Variants in TBC1D22A observed in about 807,000 individuals in gnomAD.
The protein encoded by TBC1D22A is TBC1 domain family member 22A, also known as putative GTPase activator.
TBC1D22A carries 38 observed loss-of-function variants against 60.2 expected under a neutral mutation model. The observed-to-expected ratio is 0.63, with a 90% CI of 0.49 to 0.83. The LOEUF is 0.83. TBC1D22A is among the 40% of genes least tolerant of loss of function. The probability of loss-of-function intolerance (pLI) is 0.00; values close to 1 mark genes in which losing one functional copy is unlikely to be tolerated. For missense variants in TBC1D22A, 628 were observed against 701.0 expected (o/e 0.90, Z 1.18); for synonymous variants, 302 against 281.7 (o/e 1.07, Z -0.72).
chr22:47,037,290 G>C, intron 11 of TBC1D22A, 92 bp downstream of exon 11: 1 of 1,537,472 alleles, frequency 6.5e-7, no homozygotes, highest in Non-Finnish European at 8.8e-7. Flanking sequence ...TGCTGCATTC[G>C]ATTTTTTCTT....
chr22:46,890,679 C>T (rs1209378685), intron 5 of TBC1D22A, among the ~76,000 whole-genome samples: 1 of 152,184 alleles, frequency 6.6e-6, no homozygotes, highest in Non-Finnish European at 1.5e-5. Flanking sequence ...TCTTCGTGAC[C>T]TCCTTGTGCT....
At chr22:46,949,244 G>C (rs2072747120) in intron 8 of TBC1D22A, among the ~76,000 whole-genome samples, 1 of 152,244 alleles carries the variant, frequency 6.6e-6, no homozygotes, top group African/African-American at 2.4e-5. Flanking sequence ...GAACCACCAT[G>C]AGCATGACAA....
intron 1 of TBC1D22A, among the ~76,000 whole-genome samples, chr22:46,785,539 A>G (rs1391450106): frequency 6.6e-6 from 1 of 152,208 alleles, no homozygotes; most frequent in African/African-American, 2.4e-5. Context: ...TATCACCACA[A>G]TCAATTTTAG....
intron 9 of TBC1D22A, among the ~76,000 whole-genome samples, chr22:46,994,116 T>A (rs951077687): frequency 6.6e-6 from 1 of 152,222 alleles, no homozygotes; most frequent in African/African-American, 2.4e-5. Flanking sequence ...TCAGGTGTCA[T>A]TCTTTTTTTT....
At chr22:46,941,607 C>CAGGGAACATATATACGGAATATATATACA (rs1491548993) in intron 8 of TBC1D22A, among the ~76,000 whole-genome samples, 1 of 140,734 alleles carries the variant, frequency 7.1e-6, no homozygotes, top group Non-Finnish European at 1.5e-5. Context: ...AATATATATA[C>CAGGGAACATATATACGGAATATATATACA]GCGGAATATA....
At chr22:46,833,403 A>G (rs1320048536) in intron 4 of TBC1D22A, among the ~76,000 whole-genome samples, 1 of 152,210 alleles carries the variant, frequency 6.6e-6, no homozygotes, top group East Asian at 1.9e-4. Context: ...GGGCCTTTCA[A>G]GATCGGCAGT....
intron 1 of TBC1D22A, among the ~76,000 whole-genome samples, chr22:46,773,672 G>A (rs550644314): frequency 5.7e-4 from 86 of 152,146 alleles, no homozygotes; most frequent in African/African-American, 2.0e-3. Flanking sequence ...GGGTTTCACC[G>A]TGTTGGCCAG....
chr22:47,005,644 ACACACACACC>A (rs1273927355), intron 10 of TBC1D22A, among the ~76,000 whole-genome samples: 1 of 151,104 alleles, frequency 6.6e-6, no homozygotes, highest in African/African-American at 2.4e-5. Flanking sequence ...CTGTACACAC[ACACACACACC>A]CACACACACA....
At chr22:47,088,862 C>A (rs2064804355) in intron 11 of TBC1D22A, among the ~76,000 whole-genome samples, 1 of 152,202 alleles carries the variant, frequency 6.6e-6, no homozygotes, top group South Asian at 2.1e-4. Context: ...AATGTGAAGG[C>A]CACAGCTCCA....
chr22:46,868,943 G>A (rs1427370954), intron 4 of TBC1D22A, among the ~76,000 whole-genome samples: 6 of 35,530 alleles, frequency 1.7e-4, no homozygotes, highest in Non-Finnish European at 2.8e-4. Context: ...AGGAGTAGGT[G>A]GGGGGTGCCC....
At chr22:46,991,547 T>C (rs1361142791) in intron 9 of TBC1D22A, among the ~76,000 whole-genome samples, 1 of 152,156 alleles carries the variant, frequency 6.6e-6, no homozygotes, top group African/African-American at 2.4e-5. Context: ...GTGTGGACAG[T>C]TGGGGTTCAC....
chr22:46,898,462 A>C (rs1421806261), intron 7 of TBC1D22A, among the ~76,000 whole-genome samples: 1 of 152,262 alleles, frequency 6.6e-6, no homozygotes. Flanking sequence ...GATATTGAGA[A>C]GTGCACAGTT....
chr22:47,079,515 A>G (rs1305269105), intron 11 of TBC1D22A, among the ~76,000 whole-genome samples: 1 of 152,258 alleles, frequency 6.6e-6, no homozygotes, highest in Non-Finnish European at 1.5e-5. Context: ...GGAAGGGGTA[A>G]ATGGAAGTAA....
intron 11 of TBC1D22A, among the ~76,000 whole-genome samples, chr22:47,061,448 C>T (rs1603212121): frequency 1.3e-5 from 2 of 152,108 alleles, no homozygotes; most frequent in African/African-American, 4.8e-5. Flanking sequence ...TCCTTTCCTG[C>T]TCGTCCTCAG....
In TBC1D22A at chr22:47,062,148, TGTCA is replaced by T. The variant is rs372573476; in HGVS notation, c.1329+24956_1329+24959del. Among the ~76,000 whole-genome samples, 449 of 150,648 alleles carry T rather than the reference TGTCA, an allele frequency of 3.0e-3. 2 individuals carry two copies. The highest frequency in any genetic ancestry group is 0.01 in the Middle Eastern group (3 of 292). Reference sequence around the variant, plus strand: ...GTCAGTCCTCCGCCCCCTTTGTTGCTGTCAGTCAGAACGCGGATTGTTTTCCCAG... The same window carrying T: ...GTCAGTCCTCCGCCCCCTTTGTTGCTGTCAGAACGCGGATTGTTTTCCCAG... On this transcript the variant is annotated intron_variant, in intron 11 of 12. Coordinates refer to ENST00000337137, the MANE Select transcript of TBC1D22A (RefSeq NM_014346.5).
chr22:46,792,951 C>T, intron 2 of TBC1D22A: 2 of 1,152,528 alleles, frequency 1.7e-6, no homozygotes, highest in African/African-American at 1.6e-5. Flanking sequence ...CCTGTCCTGG[C>T]CCCTCCACAG....
At chr22:46,850,208 C>T (rs1030977482) in intron 4 of TBC1D22A, among the ~76,000 whole-genome samples, 1 of 152,172 alleles carries the variant, frequency 6.6e-6, no homozygotes, top group Non-Finnish European at 1.5e-5. Context: ...GGCCTCTTCT[C>T]TGCCCTGTCT....
intron 8 of TBC1D22A, among the ~76,000 whole-genome samples, chr22:46,960,365 G>A (rs1006137738): frequency 6.6e-6 from 1 of 152,018 alleles, no homozygotes; most frequent in African/African-American, 2.4e-5. Context: ...GGGTTCAAGC[G>A]ATTCTTCTGC....
intron 10 of TBC1D22A, among the ~76,000 whole-genome samples, chr22:47,034,791 C>T (rs2062603245): frequency 6.6e-6 from 1 of 152,238 alleles, no homozygotes; most frequent in Admixed American, 6.5e-5. Context: ...TTTATCCTAA[C>T]AACTGATGAC....
Sources: gnomAD v4.1 joint callset for allele counts (sites outside exome capture counted in the v4.1 genomes callset) on GRCh38, gnomAD v4.1.1 for gene constraint, MANE v1.5 for transcripts, NCBI Gene and HGNC (gene_info 2026-07-23, HGNC 2026-07-21) for gene names.